PCDHA10: variants seen among roughly 807,000 people sequenced by gnomAD.
PCDHA10 encodes protocadherin alpha 10.
Under a neutral mutation model 61.2 loss-of-function variants are expected in PCDHA10, and 45 were observed. The ratio of observed to expected loss-of-function variants is 0.74; its 90% CI spans 0.58 to 0.94. The LOEUF (loss-of-function observed/expected upper bound fraction) is 0.94, where lower values mean the gene tolerates loss of function less well. Ranked by LOEUF, PCDHA10 falls within the 40% of genes least tolerant of loss-of-function variation. The probability of loss-of-function intolerance (pLI) is 0.00; values close to 1 mark genes in which losing one functional copy is unlikely to be tolerated. For synonymous variants in PCDHA10, 602 were observed against 548.8 expected (o/e 1.10, Z -1.35); for missense variants, 1,278 against 1,236.2 (o/e 1.03, Z -0.51).
chr5:140,857,626 G>A lies in PCDHA10; in HGVS notation c.1578G>A (p.Glu526=), dbSNP rs536509917. 1 of 1,596,672 alleles carries A rather than the reference G, an allele frequency of 6.3e-7. No individual in the cohort carries two copies. The highest frequency in any genetic ancestry group is 1.1e-5 in the South Asian group (1 of 90,498). The change falls in exon 1 of 4, where the codon GAG becomes GAA. Residue 526 remains glutamate, a synonymous_variant. Transcript: ENST00000307360. ...VYALQPLDHE[E]LELLQFQVSA... is the part of the protein sequence containing the mutation. ...CGCTGCAGCCGCTGGACCACGAGGA[G>A]CTGGAGCTGCTACAGTTCCAGGTGA...
intron 1 of PCDHA10, among the ~76,000 whole-genome samples, chr5:140,948,147 A>T (rs2094217534): frequency 6.6e-6 from 1 of 151,572 alleles, no homozygotes; most frequent in African/African-American, 2.4e-5. Context: ...TGATTTTTGA[A>T]TGTTGGAAAA....
chr5:140,919,607 A>T (rs1357882512), intron 1 of PCDHA10, among the ~76,000 whole-genome samples: 1 of 152,158 alleles, frequency 6.6e-6, no homozygotes. Context: ...ATAAATTTTA[A>T]ACTGTATCTT....
At chr5:140,876,894 C>G in intron 1 of PCDHA10, 2 of 1,614,132 alleles carry the variant, frequency 1.2e-6, no homozygotes, top group Non-Finnish European at 1.7e-6. Context: ...GCTGCCACAT[C>G]TTCACGGTGT....
At chr5:140,870,732 T>A (rs782731773) in intron 1 of PCDHA10, 10 of 1,613,288 alleles carry the variant, frequency 6.2e-6, no homozygotes, top group East Asian at 2.2e-5. Flanking sequence ...GCGTGCCGCC[T>A]CTGAGCAGCA....
intron 1 of PCDHA10, chr5:140,883,026 A>C (rs1562783010): frequency 6.2e-7 from 1 of 1,614,190 alleles, no homozygotes; most frequent in Non-Finnish European, 8.5e-7. Context: ...ACGGTGTTAG[A>C]GAACGCCTTC....
intron 3 of PCDHA10, among the ~76,000 whole-genome samples, chr5:140,983,911 G>A (rs546792762): frequency 6.6e-6 from 1 of 152,290 alleles, no homozygotes; most frequent in East Asian, 1.9e-4. Flanking sequence ...ATTCTAATCA[G>A]CCAGGATTTG....
intron 3 of PCDHA10, among the ~76,000 whole-genome samples, chr5:141,003,915 C>T (rs2153979429): frequency 6.6e-6 from 1 of 152,298 alleles, no homozygotes; most frequent in African/African-American, 2.4e-5. Context: ...GTCTTGACTG[C>T]ATCCTCAGTC....
At chr5:140,927,915 C>T (rs200890211) in intron 1 of PCDHA10, 7 of 1,614,120 alleles carry the variant, frequency 4.3e-6, no homozygotes, top group Admixed American at 3.3e-5. Context: ...CCGAACTGGA[C>T]TTCCTGACTC....
chr5:140,876,469 C>T, intron 1 of PCDHA10: 1 of 1,613,956 alleles, frequency 6.2e-7, no homozygotes. Context: ...CATGGCAGGT[C>T]ACAGCATGGT....
At chr5:140,927,297 G>C in intron 1 of PCDHA10, 1 of 1,614,150 alleles carries the variant, frequency 6.2e-7, no homozygotes, top group Non-Finnish European at 8.5e-7. Context: ...ACATCCCCGA[G>C]TTCCTGACGC....
chr5:140,869,745 T>C (rs1407210744), intron 1 of PCDHA10: 3 of 1,613,220 alleles, frequency 1.9e-6, no homozygotes, highest in Non-Finnish European at 2.5e-6. Context: ...TGCTAACAGC[T>C]ACAGACGGGG....
At chr5:140,924,911 TAAAATA>T (rs1563069196) in intron 1 of PCDHA10, among the ~76,000 whole-genome samples, 7 of 59,704 alleles carry the variant, frequency 1.2e-4, no homozygotes, top group Non-Finnish European at 2.5e-4. Flanking sequence ...AAAAATAAAA[TAAAATA>T]AAATAAAATA....
Position 141,007,689 on chromosome 5 carries a change from A to G in PCDHA10, c.2537-1938A>G, listed in dbSNP as rs545850175. Among the ~76,000 whole-genome samples the G allele has an allele frequency of 3.5e-4, 53 of 152,196 alleles. 1 individual carries two copies. Among genetic ancestry groups the G allele is most frequent in the African/African-American group, 1.3e-3 (52 of 41,536 alleles). On this transcript the variant is annotated intron_variant, in intron 3 of 3. Coordinates refer to ENST00000307360, the MANE Select transcript of PCDHA10 (RefSeq NM_018901.4). ...CAAAGACAAAAGTTATCCTACTTCC[A>G]CCTCCCTCCTCTGCCTCCCACCACC...
intron 1 of PCDHA10, chr5:140,870,210 C>T (rs1430379869): frequency 6.2e-7 from 1 of 1,614,058 alleles, no homozygotes; most frequent in African/African-American, 1.3e-5. Context: ...CGGTCATTGC[C>T]CTGATCAGCG....
At chr5:140,928,160 C>G (rs782224079) in intron 1 of PCDHA10, 1 of 1,614,096 alleles carries the variant, frequency 6.2e-7, no homozygotes, top group Non-Finnish European at 8.5e-7. Flanking sequence ...AGTGGCTCAC[C>G]CCCACTTAGC....
At chr5:141,005,527 C>A (rs1448254191) in intron 3 of PCDHA10, among the ~76,000 whole-genome samples, 1 of 151,230 alleles carries the variant, frequency 6.6e-6, no homozygotes, top group Non-Finnish European at 1.5e-5. Context: ...CACGGTGAAA[C>A]CCCGTCTCTA....
intron 1 of PCDHA10, chr5:140,864,379 T>G (rs991413766): frequency 6.6e-6 from 1 of 152,364 alleles, no homozygotes; most frequent in African/African-American, 2.4e-5. Flanking sequence ...TCGATAAGTT[T>G]ATCTCTCACA....
At chr5:140,882,667 C>A in intron 1 of PCDHA10, 1 of 1,614,160 alleles carries the variant, frequency 6.2e-7, no homozygotes, top group Middle Eastern at 1.6e-4. Flanking sequence ...CGCCCATATT[C>A]CCTGAAAGCA....
intron 1 of PCDHA10, chr5:140,927,902 C>T (rs782319959): frequency 1.5e-5 from 25 of 1,614,182 alleles, no homozygotes; most frequent in Non-Finnish European, 2.1e-5. Flanking sequence ...AACGATCATG[C>T]CCCCGAACTG....
Sources: allele counts gnomAD v4.1 joint callset (sites outside exome capture counted in the v4.1 genomes callset), GRCh38; gene constraint gnomAD v4.1.1; transcripts MANE v1.5; gene names NCBI Gene and HGNC (gene_info 2026-07-23, HGNC 2026-07-21).